The following NAA25 variants were observed in gnomAD, a reference collection of about 807,000 sequenced individuals.
NAA25 encodes the protein N-alpha-acetyltransferase 25, NatB auxiliary subunit.
Under a neutral mutation model 132.5 loss-of-function variants are expected in NAA25, and 30 were observed. The ratio of observed to expected loss-of-function variants is 0.23; its 90% CI spans 0.17 to 0.31. The LOEUF is 0.31. Among genes scored for constraint, NAA25 ranks in the 10% least tolerant of loss-of-function variants. The probability of loss-of-function intolerance (pLI) is 1.00; values close to 1 mark genes in which losing one functional copy is unlikely to be tolerated. For synonymous variants in NAA25, 359 were observed against 401.9 expected (o/e 0.89, Z 1.28); for missense variants, 771 against 1,150.4 (o/e 0.67, Z 4.77).
chr12:112,077,589 G>A (rs2078912046), intron 7 of NAA25, among the ~76,000 whole-genome samples: 6 of 151,954 alleles, frequency 3.9e-5, no homozygotes, highest in Admixed American at 3.9e-4. Flanking sequence ...TTCAAGTCCA[G>A]CCTGGGCAAA....
chr12:112,035,641 A>T (rs568979374), intron 22 of NAA25, among the ~76,000 whole-genome samples: 1 of 151,854 alleles, frequency 6.6e-6, no homozygotes, highest in East Asian at 1.9e-4. Context: ...ATTTAACTGA[A>T]TTGTTCAGAA....
At chr12:112,088,245 T>C (rs1440690249) in intron 3 of NAA25, among the ~76,000 whole-genome samples, 3 of 151,986 alleles carry the variant, frequency 2.0e-5, no homozygotes, top group Non-Finnish European at 4.4e-5. Context: ...ACACCATCTC[T>C]GCTTCTCCAC....
chr12:112,073,554 A>T (rs2078847652), intron 9 of NAA25, among the ~76,000 whole-genome samples: 1 of 152,098 alleles, frequency 6.6e-6, no homozygotes. Flanking sequence ...CTCCCTCCTC[A>T]GCCTCCAGAG....
At position 112,040,477 on chromosome 12, in the gene NAA25, T is replaced by C. The variant is rs753278437; in HGVS notation, c.2538+4A>G. Reference sequence around the variant, plus strand: ...TGTCTTTTAGGAAGAGAACAAAAACTTACCTCAACAAAGAAAACTAGATTT... The same window carrying C: ...TGTCTTTTAGGAAGAGAACAAAAACCTACCTCAACAAAGAAAACTAGATTT... On this transcript the variant is annotated splice_donor_region_variant and intron_variant, in intron 21 of 23. Coordinates refer to ENST00000261745, the MANE Select transcript of NAA25 (RefSeq NM_024953.4). 4.5e-6 allele frequency: 7 copies of C among 1,545,872 alleles called. No homozygotes were observed. Among genetic ancestry groups the C allele is most frequent in the Non-Finnish European group, 6.2e-6 (7 of 1,124,700 alleles).
chr12:112,086,073 T>TATATACACACAC (rs759148501), intron 4 of NAA25, among the ~76,000 whole-genome samples: 39 of 53,878 alleles, frequency 7.2e-4, no homozygotes, highest in Admixed American at 1.8e-3. Context: ...TATATATATA[T>TATATACACACAC]ACACACACAC....
intron 1 of NAA25, among the ~76,000 whole-genome samples, chr12:112,093,515 T>C (rs1395218724): frequency 6.6e-6 from 1 of 152,080 alleles, no homozygotes; most frequent in Non-Finnish European, 1.5e-5. Flanking sequence ...CACTCCAGCC[T>C]GGGCAAAACA....
Position 112,070,673 on chromosome 12 carries a change from T to C in NAA25, c.1036+1222A>G, listed in dbSNP as rs564749082. On this transcript the variant is annotated intron_variant, in intron 10 of 23. Transcript: ENST00000261745. ...GCTAACTGCAACCTCCATCTCTTGG[T>C]TCAAGCGATTCTTGTGTCTCAGCCT... Among the ~76,000 whole-genome samples the C allele has an allele frequency of 3.1e-4, 47 of 152,236 alleles. 1 individual carries two copies. The highest frequency in any genetic ancestry group is 3.4e-3 in the Middle Eastern group (1 of 294).
chr12:112,044,876 A>G (rs1390530202), intron 17 of NAA25, among the ~76,000 whole-genome samples: 1 of 129,736 alleles, frequency 7.7e-6, no homozygotes, highest in African/African-American at 3.0e-5. Flanking sequence ...CCCAGTCTCT[A>G]AAAAAAAAAA....
In NAA25 at chr12:112,043,877, G is replaced by A. The variant is rs974793217; in HGVS notation, c.2007-9C>T. On this transcript the variant is annotated splice_polypyrimidine_tract_variant and intron_variant, in intron 17 of 23. Transcript: ENST00000261745. The stretch of plus-strand genomic sequence containing the variant: ...GTTCTTCAGAAACGTCCCTTAAACA[G>A]AAACATCCCCAAATTATCTAACTTA... The A allele has an allele frequency of 3.1e-6, 5 of 1,604,946 alleles. No homozygotes were observed. In the Admixed American group the frequency reaches 5.1e-5, roughly 16 times the overall value.
At chr12:112,072,145 A>G in intron 9 of NAA25, 81 bp from the exon 10 acceptor site, 1 of 1,136,300 alleles carries the variant, frequency 8.8e-7, no homozygotes, top group Non-Finnish European at 1.2e-6. Flanking sequence ...AACTCATTTA[A>G]AAAGAGAAAA....
At chr12:112,037,014 G>C (rs566564183) in intron 22 of NAA25, among the ~76,000 whole-genome samples, 1 of 151,878 alleles carries the variant, frequency 6.6e-6, no homozygotes, top group East Asian at 1.9e-4. Context: ...TCATTCCCCA[G>C]AAAGGAACCA....
chr12:112,100,764 C>T (rs559206884), intron 1 of NAA25, among the ~76,000 whole-genome samples: 52 of 151,938 alleles, frequency 3.4e-4, no homozygotes, highest in African/African-American at 9.9e-4. Flanking sequence ...GGACTACAGG[C>T]GCCCGCCATC....
intron 11 of NAA25, among the ~76,000 whole-genome samples, chr12:112,065,919 A>T (rs571520429): frequency 4.6e-5 from 7 of 152,356 alleles, no homozygotes; most frequent in African/African-American, 1.7e-4. Flanking sequence ...ATATTTAGCT[A>T]CTGAAGTTAT....
At chr12:112,098,144 A>G (rs2079242602) in intron 1 of NAA25, among the ~76,000 whole-genome samples, 1 of 144,702 alleles carries the variant, frequency 6.9e-6, no homozygotes, top group Non-Finnish European at 1.5e-5. Context: ...AAAAAAAACC[A>G]AGCAGAGAAA....
intron 11 of NAA25, among the ~76,000 whole-genome samples, chr12:112,065,276 C>T (rs917816731): frequency 5.9e-5 from 9 of 152,160 alleles, no homozygotes; most frequent in African/African-American, 2.2e-4. Context: ...GCGGGCATAT[C>T]ACTTGAGGCC....
At position 112,075,897 on chromosome 12, in the gene NAA25, T is replaced by G. The variant is rs796852728; in HGVS notation, c.665-108A>C. ...AATGTCACATTTTCTTTTCTTTTTT[T>G]TTGAGATGGAGTTTCACTCTTGTCA... On this transcript the variant is annotated intron_variant, in intron 7 of 23. Transcript: ENST00000261745. The G allele has an allele frequency of 1.3e-5, 12 of 904,220 alleles. No homozygotes were observed. The African/African-American group carries it at 2.0e-4, about 15-fold the overall frequency. The allele number at this position is 904,220 out of a possible 1,614,324, so 56.0% of individuals were successfully genotyped here.
chr12:112,108,485 C>T (rs531796793), intron 1 of NAA25, among the ~76,000 whole-genome samples: 1 of 152,272 alleles, frequency 6.6e-6, no homozygotes, highest in East Asian at 1.9e-4. Flanking sequence ...AGCAGGCCAG[C>T]TCTGCCGACC....
chr12:112,074,435 A>G (rs1258876473), intron 9 of NAA25, among the ~76,000 whole-genome samples: 1 of 152,064 alleles, frequency 6.6e-6, no homozygotes, highest in Non-Finnish European at 1.5e-5. Flanking sequence ...AACTATTAAC[A>G]AGAGTTATTT....
chr12:112,032,415 A>G (rs1340022734), intron 23 of NAA25, among the ~76,000 whole-genome samples: 1 of 152,218 alleles, frequency 6.6e-6, no homozygotes, highest in Non-Finnish European at 1.5e-5. Context: ...GGAAAATTCT[A>G]TTCATTCCCT....
Sources: allele counts gnomAD v4.1 joint callset (sites outside exome capture counted in the v4.1 genomes callset), GRCh38; gene constraint gnomAD v4.1.1; transcripts MANE v1.5; gene names NCBI Gene and HGNC (gene_info 2026-07-23, HGNC 2026-07-21).